PHF24: variants seen among roughly 807,000 people sequenced by gnomAD.
The protein encoded by PHF24 is PHD finger protein 24, also known as Galpha inhibitory interacting protein.
PHF24 carries 25 observed loss-of-function variants against 42.6 expected under a neutral mutation model. The observed-to-expected ratio is 0.59, with a 90% confidence interval of 0.43 to 0.82. PHF24 has a LOEUF of 0.82. PHF24 is among the 40% of genes least tolerant of loss of function. PHF24 has a pLI of 0.00. For synonymous variants in PHF24, 185 were observed against 204.8 expected (o/e 0.90, Z 0.83); for missense variants, 470 against 538.1 (o/e 0.87, Z 1.25).
At chr9:34,732,671 G>T in the PHF24 span, among the ~76,000 whole-genome samples, 2 of 152,028 alleles carry the variant, frequency 1.3e-5, no homozygotes, top group Non-Finnish European at 2.9e-5. Context: ...TGCTTATCGG[G>T]TATTGCTCCA....
the PHF24 span, among the ~76,000 whole-genome samples, chr9:34,937,657 A>AAAAAAAG: frequency 6.6e-6 from 1 of 151,698 alleles, no homozygotes; most frequent in Non-Finnish European, 1.5e-5. Context: ...TAAAAAAAAA[A>AAAAAAAG]ATGAAAATCA....
the PHF24 span, among the ~76,000 whole-genome samples, chr9:34,893,611 A>G: frequency 1.3e-5 from 2 of 151,976 alleles, no homozygotes; most frequent in South Asian, 4.1e-4. Flanking sequence ...CAAAAAAAAA[A>G]AAGAAAAAAG....
the PHF24 span, among the ~76,000 whole-genome samples, chr9:34,740,359 T>A: frequency 6.6e-6 from 1 of 152,246 alleles, no homozygotes; most frequent in African/African-American, 2.4e-5. Flanking sequence ...CATGGCGGGT[T>A]GCAGGTCCTG....
the PHF24 span, among the ~76,000 whole-genome samples, chr9:34,847,662 C>A: frequency 6.6e-6 from 1 of 151,890 alleles, no homozygotes. Flanking sequence ...TGAGAGAGGG[C>A]ATCCCTGTCT....
the PHF24 span, among the ~76,000 whole-genome samples, chr9:34,870,580 C>CTTTTTT: frequency 4.2e-4 from 63 of 149,118 alleles, no homozygotes; most frequent in South Asian, 2.1e-3. Context: ...TCTTCCATGT[C>CTTTTTT]TTTTTTTTTG....
chr9:34,830,414 A>C, the PHF24 span, among the ~76,000 whole-genome samples: 1 of 152,206 alleles, frequency 6.6e-6, no homozygotes, highest in African/African-American at 2.4e-5. Context: ...TGAGTGGAGC[A>C]AGCACAACCT....
the PHF24 span, among the ~76,000 whole-genome samples, chr9:34,871,416 T>G: frequency 3.3e-5 from 5 of 152,202 alleles, no homozygotes; most frequent in African/African-American, 1.2e-4. Context: ...GACATTGTCT[T>G]TCAGAGAGAA....
chr9:34,883,805 G>A, the PHF24 span, among the ~76,000 whole-genome samples: 1 of 152,202 alleles, frequency 6.6e-6, no homozygotes, highest in East Asian at 1.9e-4. Flanking sequence ...AAGACAGTGT[G>A]GCGATTCCTC....
At chr9:34,828,947 A>ATATCTATATCTATATCTATATCTG in the PHF24 span, among the ~76,000 whole-genome samples, 3 of 151,846 alleles carry the variant, frequency 2.0e-5, no homozygotes, top group Non-Finnish European at 4.4e-5. Flanking sequence ...ATCTATATCT[A>ATATCTATATCTATATCTATATCTG]TGTCTGTCTG....
the PHF24 span, among the ~76,000 whole-genome samples, chr9:34,732,312 GA>G: frequency 1.8e-3 from 271 of 152,264 alleles, no homozygotes; most frequent in African/African-American, 6.3e-3. Context: ...GGGGTGAGAT[GA>G]TATCTCAGTG....
the PHF24 span, among the ~76,000 whole-genome samples, chr9:34,935,593 G>GAAAAA: frequency 1.6e-5 from 2 of 122,618 alleles, no homozygotes. Context: ...GACTTCATCT[G>GAAAAA]AAAAAAAAAA....
chr9:34,776,798 C>T, the PHF24 span, among the ~76,000 whole-genome samples: 19 of 152,122 alleles, frequency 1.2e-4, no homozygotes, highest in Admixed American at 4.6e-4. Flanking sequence ...ACATTGATGT[C>T]TGCACAATTG....
At chr9:34,854,952 G>C in the PHF24 span, among the ~76,000 whole-genome samples, 1 of 152,188 alleles carries the variant, frequency 6.6e-6, no homozygotes. Flanking sequence ...TTGTGAATTT[G>C]AGTGCTCCTG....
the PHF24 span, chr9:34,729,265 G>T: frequency 3.2e-6 from 5 of 1,550,482 alleles, no homozygotes; most frequent in Non-Finnish European, 4.4e-6. Context: ...AATTAGTTCA[G>T]TTGGGATCAC....
chr9:34,687,361 A>G, the PHF24 span, among the ~76,000 whole-genome samples: 2 of 152,192 alleles, frequency 1.3e-5, no homozygotes, highest in Non-Finnish European at 2.9e-5. Context: ...GCGGTTTAGC[A>G]TGAGAACCAA....
At chr9:34,804,968 C>T in the PHF24 span, among the ~76,000 whole-genome samples, 1 of 152,206 alleles carries the variant, frequency 6.6e-6, no homozygotes, top group African/African-American at 2.4e-5. Flanking sequence ...ATATAGTATA[C>T]TATCTATTGT....
chr9:34,908,164 T>TGTAA, the PHF24 span, among the ~76,000 whole-genome samples: 11,758 of 152,210 alleles, frequency 0.077, 725 homozygotes, highest in African/African-American at 0.17. Context: ...TTTCACCTGC[T>TGTAA]GTAAGTTTTC....
the PHF24 span, among the ~76,000 whole-genome samples, chr9:34,840,293 C>G: frequency 1.3e-5 from 2 of 152,132 alleles, no homozygotes; most frequent in South Asian, 4.1e-4. Context: ...TCACTTCTAT[C>G]AGGTTCTTGT....
the PHF24 span, among the ~76,000 whole-genome samples, chr9:34,757,591 A>T: frequency 6.6e-6 from 1 of 152,004 alleles, no homozygotes; most frequent in Non-Finnish European, 1.5e-5. Flanking sequence ...GTTAGATTTC[A>T]TAGGGAAAGG....
Sources: gnomAD v4.1 joint callset for allele counts (sites outside exome capture counted in the v4.1 genomes callset) on GRCh38, gnomAD v4.1.1 for gene constraint, MANE v1.5 for transcripts, NCBI Gene and HGNC (gene_info 2026-07-23, HGNC 2026-07-21) for gene names.